The following HNRNPM variants were observed in gnomAD, a reference collection of about 807,000 sequenced individuals.
HNRNPM encodes the protein CEA receptor.
Under a neutral mutation model 73.1 loss-of-function variants are expected in HNRNPM, and 11 were observed. The ratio of observed to expected loss-of-function variants is 0.15; its 90% confidence interval spans 0.09 to 0.25. The LOEUF is 0.25. Ranked by LOEUF, HNRNPM falls within the 10% of genes least tolerant of loss-of-function variation. The pLI is 1.00. For synonymous variants in HNRNPM, 407 were observed against 355.2 expected (o/e 1.15, Z -1.64); for missense variants, 789 against 1,067.9 (o/e 0.74, Z 3.64).
At chr19:8,480,795 A>G (rs1457073491) in intron 12 of HNRNPM, among the ~76,000 whole-genome samples, 4 of 152,156 alleles carry the variant, frequency 2.6e-5, no homozygotes, top group African/African-American at 4.8e-5. Flanking sequence ...AGTGGCACAG[A>G]GAGGTGGATG....
chr19:8,463,443 CT>C, intron 3 of HNRNPM, 53 bp from the exon 4 acceptor site: 1 of 1,579,806 alleles, frequency 6.3e-7, no homozygotes, highest in Non-Finnish European at 8.7e-7. Context: ...CTATTTTTTT[CT>C]TTTCTTTTTC....
At chr19:8,452,514 A>G (rs1213855873) in intron 1 of HNRNPM, among the ~76,000 whole-genome samples, 1 of 152,168 alleles carries the variant, frequency 6.6e-6, no homozygotes, top group East Asian at 1.9e-4. Context: ...TTTGGAGTAG[A>G]CAAGTGGCCT....
At chr19:8,456,265 CGAGGAGGCCT>C (rs1487543777) in intron 2 of HNRNPM, among the ~76,000 whole-genome samples, 1 of 152,170 alleles carries the variant, frequency 6.6e-6, no homozygotes, top group Non-Finnish European at 1.5e-5. Context: ...CCAGGAGGCC[CGAGGAGGCCT>C]GCCTCTGTGA....
intron 12 of HNRNPM, among the ~76,000 whole-genome samples, chr19:8,477,337 C>G (rs899460542): frequency 7.9e-5 from 12 of 152,030 alleles, no homozygotes; most frequent in Non-Finnish European, 1.3e-4. Context: ...GGGCCTTTCC[C>G]GGCAGAAGCT....
Position 8,467,667 on chromosome 19 carries a change from T to C in HNRNPM, c.834+83T>C, listed in dbSNP as rs1303123267. 23 of 991,684 alleles carry C rather than the reference T, an allele frequency of 2.3e-5. 2 individuals carry two copies. The Middle Eastern group carries it at 2.3e-3, about 99-fold the overall frequency. The allele number at this position is 991,684 out of a possible 1,614,324, so 61.4% of individuals were successfully genotyped here. ...AATAAGAGTGTACATATAGCCACTATGAAATATTTGTGGATTAGTCTAAGT... is the reference window on the plus strand; with the variant it reads ...AATAAGAGTGTACATATAGCCACTACGAAATATTTGTGGATTAGTCTAAGT... On this transcript the variant is annotated intron_variant, in intron 8 of 15. Coordinates refer to ENST00000325495, the MANE Select transcript of HNRNPM (RefSeq NM_005968.5).
chr19:8,459,944 T>C (rs968880904), intron 2 of HNRNPM, among the ~76,000 whole-genome samples: 1 of 152,238 alleles, frequency 6.6e-6, no homozygotes, highest in African/African-American at 2.4e-5. Flanking sequence ...TGTTTTAAGC[T>C]GCAGTAGAAT....
intron 10 of HNRNPM, among the ~76,000 whole-genome samples, chr19:8,472,932 A>G (rs1970253430): frequency 6.6e-6 from 1 of 152,168 alleles, no homozygotes; most frequent in Admixed American, 6.5e-5. Context: ...AAATTTTCTA[A>G]AAAGTTTATG....
At chr19:8,472,186 A>C (rs1970196639) in intron 10 of HNRNPM, among the ~76,000 whole-genome samples, 2 of 151,866 alleles carry the variant, frequency 1.3e-5, no homozygotes, top group African/African-American at 2.4e-5. Flanking sequence ...AAAAAAAAAA[A>C]AAAAAACCTG....
chr19:8,477,161 T>TG (rs1474838740), intron 12 of HNRNPM, among the ~76,000 whole-genome samples: 9 of 152,156 alleles, frequency 5.9e-5, no homozygotes, highest in Non-Finnish European at 1.3e-4. Flanking sequence ...GATTAATAAC[T>TG]AGATTCTTCA....
chr19:8,472,103 G>A lies in HNRNPM; in HGVS notation c.997+676G>A, dbSNP rs915680547. On this transcript the variant is annotated intron_variant, in intron 10 of 15. Coordinates refer to ENST00000325495, the MANE Select transcript of HNRNPM (RefSeq NM_005968.5). ...GGAGAATTGCTTGAACCCGGGAGGC[G>A]GAGGTTGCAGTGAGCTGAGATCACA... 6.6e-5 allele frequency among the ~76,000 whole-genome samples: 10 copies of A among 151,350 alleles called. No individual in the cohort carries two copies. In the South Asian group the frequency reaches 1.3e-3, roughly 19 times the overall value.
chr19:8,487,117 T>C (rs1971368545), intron 15 of HNRNPM, 42 bp downstream of exon 15: 1 of 1,556,332 alleles, frequency 6.4e-7, no homozygotes, highest in African/African-American at 1.4e-5. Flanking sequence ...CCCTCGTGCT[T>C]GTTGGTGACG....
rs772061167 is a variant in HNRNPM at position 8,486,054 on chromosome 19, GCGCATGGGCCCCGTGATGGAT to G, written c.1634_1654del (p.Gly545_Met551del). On this transcript the variant is annotated inframe_deletion, in exon 14 of 16. Coordinates refer to ENST00000325495, the MANE Select transcript of HNRNPM (RefSeq NM_005968.5). ...CCGCAGGTATGGGAGCTGGCCTGGA[GCGCATGGGCCCCGTGATGGAT>G]CGCATGGCCACCGGCCTGGAGCGCA... is the stretch of plus-strand genomic sequence containing the variant. 6 of 1,606,600 alleles carry G rather than the reference GCGCATGGGCCCCGTGATGGAT, an allele frequency of 3.7e-6. No individual in the cohort carries two copies. The highest frequency in any genetic ancestry group is 3.3e-5 in the Admixed American group (2 of 59,966).
chr19:8,454,575 T>C (rs538356215), intron 1 of HNRNPM, among the ~76,000 whole-genome samples: 1 of 152,206 alleles, frequency 6.6e-6, no homozygotes, highest in East Asian at 1.9e-4. Context: ...TTAATTCTTT[T>C]GGGTGTATAC....
chr19:8,454,261 A>T (rs1361357618), intron 1 of HNRNPM, among the ~76,000 whole-genome samples: 1 of 152,094 alleles, frequency 6.6e-6, no homozygotes, highest in Non-Finnish European at 1.5e-5. Context: ...GGCCCAGGTA[A>T]CCTCTGTTCT....
chr19:8,471,491 A>C, intron 10 of HNRNPM, 64 bp downstream of exon 10: 1 of 841,924 alleles, frequency 1.2e-6, no homozygotes. Flanking sequence ...TTATTGGGAC[A>C]ACTGGACTTT....
chr19:8,452,246 G>A (rs1968682030), intron 1 of HNRNPM, among the ~76,000 whole-genome samples: 1 of 152,238 alleles, frequency 6.6e-6, no homozygotes, highest in Non-Finnish European at 1.5e-5. Flanking sequence ...AGCTTAAGCA[G>A]TCTGGTGAAA....
chr19:8,485,525 G>A (rs1439845032), intron 13 of HNRNPM, 78 bp from the exon 14 acceptor site: 8 of 1,391,524 alleles, frequency 5.7e-6, no homozygotes, highest in Non-Finnish European at 7.9e-6. Context: ...ATGCCCATGA[G>A]CTGAAGTGGT....
In HNRNPM at chr19:8,462,129, C is replaced by T. The variant is rs1251009098; in HGVS notation, c.284-400C>T. On this transcript the variant is annotated intron_variant, in intron 2 of 15. Transcript: ENST00000325495. This position sits in a 1 kb window ranked among gnomAD's most constrained non-coding sequence, Gnocchi z 4.5. ...GCATGTGAGCTCAGCCCGATGGCAT[C>T]GCAATTTGTATGCATTTCACCTGCT... The T allele has an allele frequency of 2.0e-5, 4 of 197,986 alleles. No individual in the cohort carries two copies. The highest frequency in any genetic ancestry group is 5.3e-5 in the Admixed American group (1 of 18,892). The allele number at this position is 197,986 out of a possible 1,614,324, so 12.3% of individuals were successfully genotyped here.
intron 1 of HNRNPM, among the ~76,000 whole-genome samples, chr19:8,450,497 G>C (rs910478277): frequency 3.3e-5 from 5 of 151,624 alleles, no homozygotes; most frequent in Non-Finnish European, 7.4e-5. Flanking sequence ...TGCAACTCCA[G>C]CTCCTGGGCT....
Sources: gnomAD v4.1 joint callset for allele counts (sites outside exome capture counted in the v4.1 genomes callset) on GRCh38, gnomAD v4.1.1 for gene constraint, Gnocchi (gnomAD v3.1) non-coding constraint, MANE v1.5 for transcripts, NCBI Gene and HGNC (gene_info 2026-07-23, HGNC 2026-07-21) for gene names.